The following SHANK2 variants were observed in gnomAD, a reference collection of about 807,000 sequenced individuals.
SHANK2 encodes the protein SH3 and multiple ankyrin repeat domains 2, also known as SH3 and multiple ankyrin repeat domains protein 2.
A neutral mutation model predicts 133.7 loss-of-function variants in SHANK2; 43 were observed. The ratio of observed to expected loss-of-function variants is 0.32; its 90% CI spans 0.25 to 0.41. The LOEUF (loss-of-function observed/expected upper bound fraction) is 0.41. SHANK2 is among the 10% of genes least tolerant of loss of function. The probability of loss-of-function intolerance (pLI) is 1.00; values close to 1 mark genes in which losing one functional copy is unlikely to be tolerated. For synonymous variants in SHANK2, 1,017 were observed against 952.8 expected (o/e 1.07, Z -1.24); for missense variants, 1,994 against 2,235.8 (o/e 0.89, Z 2.18).
chr11:70,690,217 T>C (rs551924755), intron 15 of SHANK2, among the ~76,000 whole-genome samples: 1 of 151,936 alleles, frequency 6.6e-6, no homozygotes, highest in Admixed American at 6.6e-5. Context: ...AGAAAAAGAA[T>C]GATATTTTAG....
chr11:71,139,701 G>A lies in SHANK2; in HGVS notation c.207+7419C>T, dbSNP rs141917290. ...GCACTCCACCACTGTGCATTTGAGA[G>A]GATGCAGAGAGGCTGCCCTCCCTGT... On this transcript the variant is annotated intron_variant, in intron 3 of 25. Transcript: ENST00000601538. Among the ~76,000 whole-genome samples the A allele has an allele frequency of 6.4e-3, 978 of 152,270 alleles. 12 individuals carry two copies. Among genetic ancestry groups the A allele is most frequent in the African/African-American group, 0.023 (942 of 41,550 alleles).
At chr11:70,597,638 C>T (rs782703164) in intron 17 of SHANK2, among the ~76,000 whole-genome samples, 1 of 152,060 alleles carries the variant, frequency 6.6e-6, no homozygotes, top group Non-Finnish European at 1.5e-5. Flanking sequence ...TTTGGGAGGC[C>T]GAGGTGGGTG....
intron 2 of SHANK2, among the ~76,000 whole-genome samples, chr11:71,199,798 C>T (rs1319727715): frequency 3.9e-5 from 6 of 152,252 alleles, no homozygotes; most frequent in African/African-American, 7.2e-5. Context: ...CTTGGCCAGA[C>T]GTGCAGACCC....
intron 17 of SHANK2, among the ~76,000 whole-genome samples, chr11:70,655,745 C>A (rs1467004223): frequency 6.6e-6 from 1 of 152,172 alleles, no homozygotes; most frequent in Non-Finnish European, 1.5e-5. Context: ...GAGATTAACG[C>A]AGCACCTGCT....
At chr11:70,833,668 G>T (rs880002256) in intron 11 of SHANK2, among the ~76,000 whole-genome samples, 1 of 152,266 alleles carries the variant, frequency 6.6e-6, no homozygotes, top group Non-Finnish European at 1.5e-5. Context: ...TGCATACTGG[G>T]TGCAGTACTT....
At chr11:71,154,896 G>A (rs1400832147) in intron 2 of SHANK2, among the ~76,000 whole-genome samples, 6 of 61,096 alleles carry the variant, frequency 9.8e-5, no homozygotes, top group African/African-American at 2.0e-4. Context: ...ACCTACCCCC[G>A]CCCACACTCC....
chr11:70,734,294 G>A (rs1946354014), intron 14 of SHANK2, among the ~76,000 whole-genome samples: 2 of 152,224 alleles, frequency 1.3e-5, no homozygotes, highest in Non-Finnish European at 2.9e-5. Flanking sequence ...TGATGCTTCT[G>A]AGCAGGGATT....
chr11:71,136,883 A>T (rs1555104863), intron 3 of SHANK2, among the ~76,000 whole-genome samples: 1 of 152,166 alleles, frequency 6.6e-6, no homozygotes, highest in African/African-American at 2.4e-5. Context: ...ATTTTTTGAG[A>T]TGGAGTTTTG....
At chr11:71,142,369 C>T (rs782147004) in intron 3 of SHANK2, among the ~76,000 whole-genome samples, 13 of 151,990 alleles carry the variant, frequency 8.6e-5, no homozygotes, top group Non-Finnish European at 1.8e-4. Context: ...GGCGTGGTGG[C>T]GCATGCCTAT....
chr11:71,067,168 G>A (rs1009188674), intron 9 of SHANK2, among the ~76,000 whole-genome samples: 1 of 152,158 alleles, frequency 6.6e-6, no homozygotes, highest in Non-Finnish European at 1.5e-5. Flanking sequence ...TGCTCAGGGG[G>A]CCATCACCCC....
intron 11 of SHANK2, among the ~76,000 whole-genome samples, chr11:70,873,723 T>C (rs955860963): frequency 6.6e-6 from 1 of 151,576 alleles, no homozygotes; most frequent in Non-Finnish European, 1.5e-5. Flanking sequence ...CAGCCAGCCA[T>C]TGCTTCCTCC....
At chr11:70,574,177 C>T (rs11236680) in intron 17 of SHANK2, among the ~76,000 whole-genome samples, 63,559 of 152,170 alleles carry the variant, frequency 0.42, 13,954 homozygotes, top group East Asian at 0.75. Context: ...TCTCTTAGAC[C>T]CTGCCTCAGT....
intron 17 of SHANK2, among the ~76,000 whole-genome samples, chr11:70,527,535 G>A (rs2059414267): frequency 2.0e-5 from 3 of 152,212 alleles, no homozygotes; most frequent in Admixed American, 2.0e-4. Context: ...CAGAAGGGCA[G>A]TTGCTATAAA....
chr11:71,093,251 A>G (rs1951550344), intron 7 of SHANK2, among the ~76,000 whole-genome samples: 1 of 152,104 alleles, frequency 6.6e-6, no homozygotes, highest in African/African-American at 2.4e-5. Context: ...TTTGCGGAAG[A>G]GAGAAAAGGT....
chr11:70,628,125 A>G (rs1321875921), intron 17 of SHANK2, among the ~76,000 whole-genome samples: 2 of 152,050 alleles, frequency 1.3e-5, no homozygotes, highest in Non-Finnish European at 2.9e-5. Flanking sequence ...ATGCCCAGCT[A>G]ATTTTTGTAT....
At chr11:70,489,618 T>G in intron 23 of SHANK2, 1 of 540,944 alleles carries the variant, frequency 1.8e-6, no homozygotes, top group Non-Finnish European at 3.3e-6. Context: ...CCTCCACAAC[T>G]CTCACAGGGC....
At position 70,568,646 on chromosome 11, in the gene SHANK2, GC is replaced by G. The variant is rs66982078; in HGVS notation, c.2062-65716del. Reference sequence around the variant, plus strand: ...TCTCCCATGTGGGCAGCGGATTCCTGCCCCCCCCGCCCACTTCCTCCCGGCC... The same window carrying G: ...TCTCCCATGTGGGCAGCGGATTCCTGCCCCCCCGCCCACTTCCTCCCGGCC... On this transcript the variant is annotated intron_variant, in intron 17 of 25. Transcript: ENST00000601538. Among the ~76,000 whole-genome samples, 6 of 79,964 alleles carry G rather than the reference GC, an allele frequency of 7.5e-5. 2 individuals are homozygous for G. The highest frequency in any genetic ancestry group is 3.5e-4 in the Admixed American group (3 of 8,470). 52.5% of individuals were successfully genotyped at this position (79,964 alleles called of 152,430 possible).
intron 2 of SHANK2, among the ~76,000 whole-genome samples, chr11:71,179,165 G>T (rs894835265): frequency 2.7e-4 from 41 of 152,076 alleles, no homozygotes; most frequent in Non-Finnish European, 7.4e-5. Flanking sequence ...CATGAACACA[G>T]ATGCAAAAAG....
intron 2 of SHANK2, among the ~76,000 whole-genome samples, chr11:71,165,208 T>G (rs111754968): frequency 0.25 from 37,749 of 151,864 alleles, 5,132 homozygotes; most frequent in African/African-American, 0.34. Context: ...TAATTTTGTA[T>G]TTTTAGTAGA....
Sources: gnomAD v4.1 joint callset for allele counts (sites outside exome capture counted in the v4.1 genomes callset) on GRCh38, gnomAD v4.1.1 for gene constraint, MANE v1.5 for transcripts, NCBI Gene and HGNC (gene_info 2026-07-23, HGNC 2026-07-21) for gene names.